The following GLMN variants were observed in gnomAD, a reference collection of about 807,000 sequenced individuals.
GLMN encodes the protein glomulin, FKBP associated protein, also known as glomulin.
Under a neutral mutation model 87.8 loss-of-function variants are expected in GLMN, and 75 were observed. The observed-to-expected ratio is 0.85, with a 90% CI of 0.71 to 1.04. GLMN has a LOEUF of 1.04. Among genes scored for constraint, GLMN ranks in the 50% least tolerant of loss-of-function variants. The probability of loss-of-function intolerance (pLI) is 0.00; values close to 1 mark genes in which losing one functional copy is unlikely to be tolerated. For synonymous variants in GLMN, 206 were observed against 221.6 expected (o/e 0.93, Z 0.63); for missense variants, 588 against 658.8 (o/e 0.89, Z 1.18).
chr1:92,270,952 G>C (rs1457003860), intron 8 of GLMN, among the ~76,000 whole-genome samples: 2 of 152,198 alleles, frequency 1.3e-5, no homozygotes, highest in East Asian at 1.9e-4. Flanking sequence ...GCAGGGACCA[G>C]ACCAGGCACA....
chr1:92,326,466 G>A, the GLMN span, among the ~76,000 whole-genome samples: 1 of 152,122 alleles, frequency 6.6e-6, no homozygotes, highest in Non-Finnish European at 1.5e-5. Context: ...ACTTTCAAGA[G>A]AGCATCAGTT....
At chr1:92,287,622 G>A (rs954746317) in intron 6 of GLMN, among the ~76,000 whole-genome samples, 2 of 152,050 alleles carry the variant, frequency 1.3e-5, no homozygotes, top group Non-Finnish European at 2.9e-5. Context: ...TTACAGGTGC[G>A]AGCCACCACG....
the GLMN span, chr1:92,333,156 CCCAA>C: frequency 2.2e-6 from 1 of 450,264 alleles, no homozygotes; most frequent in South Asian, 4.5e-5. Flanking sequence ...GTATTAATAT[CCCAA>C]TTATAAAGAT....
chr1:92,339,470 T>A, the GLMN span, among the ~76,000 whole-genome samples: 24 of 152,116 alleles, frequency 1.6e-4, 1 homozygote, highest in East Asian at 3.9e-3. Flanking sequence ...ATGCAAAAAA[T>A]AATAATAATA....
chr1:92,266,574 T>C, intron 12 of GLMN, 82 bp from the exon 13 acceptor site: 1 of 1,006,218 alleles, frequency 9.9e-7, no homozygotes. Context: ...ATGCATGTAA[T>C]ACATCCACAC....
chr1:92,259,993 C>T (rs1402761853), intron 16 of GLMN, among the ~76,000 whole-genome samples: 3 of 152,032 alleles, frequency 2.0e-5, no homozygotes, highest in Non-Finnish European at 4.4e-5. Context: ...CCTTGGCCTT[C>T]CAAAGAGCTG....
chr1:92,262,955 A>G (rs1457798848), intron 15 of GLMN, 29 bp from the exon 16 acceptor site: 1 of 887,988 alleles, frequency 1.1e-6, no homozygotes, highest in South Asian at 1.3e-5. Context: ...TGTTACTTAC[A>G]GTATGGTTTT....
the GLMN span, chr1:92,336,518 T>G: frequency 1.2e-6 from 1 of 829,626 alleles, no homozygotes; most frequent in African/African-American, 1.7e-5. Flanking sequence ...AGTAAGTGAC[T>G]TACCTTTCAA....
chr1:92,266,672 A>T, intron 12 of GLMN, 28 bp downstream of exon 12: 1 of 1,485,118 alleles, frequency 6.7e-7, no homozygotes. Flanking sequence ...GTAACTCATT[A>T]TTCTTTAGTC....
At chr1:92,323,336 C>A in the GLMN span, 3 of 666,822 alleles carry the variant, frequency 4.5e-6, no homozygotes, top group Non-Finnish European at 2.3e-6. Flanking sequence ...AAATTTCTAC[C>A]TTGAAAGTTA....
At position 92,284,332 on chromosome 1, in the gene GLMN, C is replaced by T. The variant is rs539802199; in HGVS notation, c.735+2158G>A. Among the ~76,000 whole-genome samples the T allele has an allele frequency of 3.3e-5, 5 of 152,308 alleles. No homozygotes were observed. The South Asian group carries it at 1.0e-3, about 32-fold the overall frequency. ...AATAACACTACACATCTACAACCAT[C>T]TGATCTTTGACAAACCTGACAAAAA... On this transcript the variant is annotated intron_variant, in intron 7 of 18. Transcript: ENST00000370360.
intron 15 of GLMN, 120 bp from the exon 16 acceptor site, chr1:92,263,046 T>G: frequency 7.3e-6 from 4 of 546,166 alleles, no homozygotes; most frequent in Non-Finnish European, 1.3e-5. Context: ...ACTATTTCCA[T>G]TAATATCTTT....
At chr1:92,286,627 C>T (rs1648789010) in intron 6 of GLMN, 35 bp from the exon 7 acceptor site, 2 of 970,526 alleles carry the variant, frequency 2.1e-6, no homozygotes, top group Non-Finnish European at 3.4e-6. Flanking sequence ...ATGAAATCAA[C>T]ACTTCCAAGT....
At chr1:92,297,063 G>A (rs1489386063) in intron 3 of GLMN, among the ~76,000 whole-genome samples, 1 of 147,302 alleles carries the variant, frequency 6.8e-6, no homozygotes, top group African/African-American at 2.5e-5. Context: ...TTGTTTACAT[G>A]TTTATGTTTG....
the GLMN span, among the ~76,000 whole-genome samples, chr1:92,347,782 G>A: frequency 6.6e-6 from 1 of 152,048 alleles, no homozygotes; most frequent in African/African-American, 2.4e-5. Context: ...CTTTAACTTT[G>A]GATATAATGT....
chr1:92,255,711 C>T (rs1037234423), intron 16 of GLMN, among the ~76,000 whole-genome samples: 5 of 152,084 alleles, frequency 3.3e-5, no homozygotes, highest in Non-Finnish European at 7.4e-5. Context: ...TCTTTGCAAC[C>T]AATGGGAACA....
intron 7 of GLMN, among the ~76,000 whole-genome samples, chr1:92,281,399 T>C (rs1648034081): frequency 6.6e-6 from 1 of 152,160 alleles, no homozygotes. Flanking sequence ...AATAAAATCC[T>C]TTACAGACAA....
chr1:92,320,689 T>A, the GLMN span: 2 of 1,434,742 alleles, frequency 1.4e-6, no homozygotes, highest in Non-Finnish European at 9.8e-7. Context: ...ATAGAAACAT[T>A]AGGAGTGAAC....
At chr1:92,342,766 A>G in the GLMN span, among the ~76,000 whole-genome samples, 2 of 152,128 alleles carry the variant, frequency 1.3e-5, no homozygotes, top group African/African-American at 2.4e-5. Context: ...GGGATGTGAG[A>G]GAGTCAAGTT....
Sources: allele counts gnomAD v4.1 joint callset (sites outside exome capture counted in the v4.1 genomes callset), GRCh38; gene constraint gnomAD v4.1.1; transcripts MANE v1.5; gene names NCBI Gene and HGNC (gene_info 2026-07-23, HGNC 2026-07-21).